The following TMEM260 variants were observed in gnomAD, a reference collection of about 807,000 sequenced individuals.
The protein encoded by TMEM260 is transmembrane protein 260.
TMEM260 carries 82 observed loss-of-function variants against 88.9 expected under a neutral mutation model. That is an observed-to-expected ratio of 0.92 (90% CI 0.77 to 1.11). The LOEUF (loss-of-function observed/expected upper bound fraction) is 1.11, where lower values mean the gene tolerates loss of function less well. Ranked by LOEUF, TMEM260 falls within the 50% of genes least tolerant of loss-of-function variation. The pLI, the probability that TMEM260 is intolerant of heterozygous loss-of-function variation, is 0.00. For missense variants in TMEM260, 902 were observed against 853.4 expected (o/e 1.06, Z -0.71); for synonymous variants, 314 against 309.3 (o/e 1.02, Z -0.16).
chr14:56,584,863 C>T (rs2139497068), intron 1 of TMEM260, 138 bp from the exon 2 acceptor site: 1 of 643,680 alleles, frequency 1.6e-6, no homozygotes, highest in South Asian at 2.1e-5. Flanking sequence ...CTATTTCATG[C>T]TGTTAAATCT....
At position 56,585,889 on chromosome 14, in the gene TMEM260, A is replaced by T; in HGVS notation, c.321A>T (p.Ser107=). ...GCTTATTTGGAGCAGTAGCTGCATC[A>T]TTACTTTTTTTCACCGTTTTCAGGT... is the stretch of plus-strand genomic sequence containing the variant. ...LCGLFGAVAA[S]LLFFTVFRLS... Residue 107 remains serine, a synonymous_variant, in exon 3 of 16, where the codon TCA becomes TCT. Coordinates refer to ENST00000261556, the MANE Select transcript of TMEM260 (RefSeq NM_017799.4). 6.2e-7 allele frequency: 1 copy of T among 1,612,282 alleles called. No homozygotes were observed. The highest frequency in any genetic ancestry group is 8.5e-7 in the Non-Finnish European group (1 of 1,179,342).
chr14:56,643,764 C>A (rs966058399), intron 15 of TMEM260, among the ~76,000 whole-genome samples: 11 of 152,314 alleles, frequency 7.2e-5, no homozygotes, highest in African/African-American at 2.6e-4. Flanking sequence ...GAAAACCCCA[C>A]TGTCTCAGCC....
the TMEM260 span, among the ~76,000 whole-genome samples, chr14:56,660,802 C>T: frequency 3.3e-5 from 5 of 152,214 alleles, no homozygotes; most frequent in Non-Finnish European, 5.9e-5. Context: ...CTCGCTCTCT[C>T]TTCTCTACCT....
At chr14:56,636,736 C>A in intron 15 of TMEM260, 138 bp downstream of exon 15, 2 of 722,534 alleles carry the variant, frequency 2.8e-6, no homozygotes, top group Non-Finnish European at 4.6e-6. Flanking sequence ...TAAAGCAGCA[C>A]ATATGAACAA....
downstream of TMEM260, among the ~76,000 whole-genome samples, chr14:56,651,042 A>C (rs1405653950): frequency 6.6e-6 from 1 of 152,188 alleles, no homozygotes; most frequent in African/African-American, 2.4e-5. Flanking sequence ...TGAATGCAAA[A>C]CCATTCTAAT....
In TMEM260 at chr14:56,638,257, C is replaced by G. The variant is rs28557421; in HGVS notation, c.1869+1659C>G. 4.0e-5 allele frequency: 6 copies of G among 151,806 alleles called. No individual in the cohort carries two copies. The South Asian group carries it at 8.4e-4, about 21-fold the overall frequency. 9.4% of individuals were successfully genotyped at this position (151,806 alleles called of 1,614,324 possible). A position where few individuals can be genotyped will look rare whatever the true frequency, so the allele number is the denominator to read the frequency against. On this transcript the variant is annotated intron_variant, in intron 15 of 15. Coordinates refer to ENST00000261556, the MANE Select transcript of TMEM260 (RefSeq NM_017799.4). ...GCAGTAAGGAGGCCCAGCTTCTAGGCCCACTCTGCCATTAGTTGTCAACTG... is the reference window on the plus strand; with the variant it reads ...GCAGTAAGGAGGCCCAGCTTCTAGGGCCACTCTGCCATTAGTTGTCAACTG...
intron 10 of TMEM260, among the ~76,000 whole-genome samples, chr14:56,620,400 A>G (rs10139575): frequency 0.14 from 21,998 of 152,196 alleles, 2,702 homozygotes; most frequent in African/African-American, 0.32. Context: ...TCCTGGACAC[A>G]ACATCATCGC....
At chr14:56,640,707 G>C (rs1347662976) in intron 15 of TMEM260, among the ~76,000 whole-genome samples, 1 of 152,004 alleles carries the variant, frequency 6.6e-6, no homozygotes, top group African/African-American at 2.4e-5. Context: ...AGCTAAAGAA[G>C]GAAGTTCGAA....
chr14:56,607,550 A>G (rs944112375), intron 5 of TMEM260, among the ~76,000 whole-genome samples: 43 of 152,138 alleles, frequency 2.8e-4, no homozygotes, highest in African/African-American at 1.0e-3. Flanking sequence ...GAAAGTCCTG[A>G]GTCAGTTGGT....
At chr14:56,606,533 C>T (rs1210813022) in intron 5 of TMEM260, among the ~76,000 whole-genome samples, 1 of 152,154 alleles carries the variant, frequency 6.6e-6, no homozygotes, top group African/African-American at 2.4e-5. Context: ...TGCTTCTTAG[C>T]TTCTTAACAG....
intron 14 of TMEM260, among the ~76,000 whole-genome samples, chr14:56,635,628 A>G (rs566261432): frequency 1.3e-5 from 2 of 152,302 alleles, no homozygotes; most frequent in East Asian, 3.9e-4. Context: ...AATAACACTA[A>G]CAAACTCTGG....
intron 3 of TMEM260, among the ~76,000 whole-genome samples, chr14:56,601,642 A>G (rs1886582013): frequency 6.6e-6 from 1 of 152,120 alleles, no homozygotes; most frequent in African/African-American, 2.4e-5. Flanking sequence ...TTCTAATTCC[A>G]TCATTTCTTC....
At chr14:56,595,111 A>G (rs1199611658) in intron 3 of TMEM260, among the ~76,000 whole-genome samples, 2 of 152,236 alleles carry the variant, frequency 1.3e-5, no homozygotes, top group Non-Finnish European at 2.9e-5. Context: ...AACTCATAGG[A>G]AAATTGCTTT....
chr14:56,653,353 A>C (rs1890239745), downstream of TMEM260, among the ~76,000 whole-genome samples: 2 of 152,106 alleles, frequency 1.3e-5, no homozygotes, highest in South Asian at 4.2e-4. Context: ...ATGTAAAGAA[A>C]TTGATAAATG....
intron 13 of TMEM260, among the ~76,000 whole-genome samples, chr14:56,633,744 T>A (rs551315979): frequency 2.5e-4 from 38 of 152,160 alleles, no homozygotes; most frequent in African/African-American, 9.2e-4. Flanking sequence ...AGAAAATGAG[T>A]CACTATCTAG....
intron 1 of TMEM260, among the ~76,000 whole-genome samples, chr14:56,582,420 G>A (rs1361571258): frequency 6.6e-6 from 1 of 152,166 alleles, no homozygotes; most frequent in Non-Finnish European, 1.5e-5. Flanking sequence ...CAAAGATACT[G>A]TCTTTAACAG....
intron 2 of TMEM260, 163 bp from the exon 3 acceptor site, chr14:56,585,598 A>T: frequency 1.6e-6 from 1 of 633,058 alleles, no homozygotes; most frequent in Non-Finnish European, 2.7e-6. Context: ...ATTTATTTGT[A>T]TTGCCTCAAG....
At chr14:56,597,385 G>A (rs931464273) in intron 3 of TMEM260, among the ~76,000 whole-genome samples, 1 of 152,168 alleles carries the variant, frequency 6.6e-6, no homozygotes. Flanking sequence ...AGGCATTTCA[G>A]ATAAGGGATC....
intron 1 of TMEM260, among the ~76,000 whole-genome samples, chr14:56,583,990 T>TTG (rs10594077): frequency 0.04 from 5,871 of 145,880 alleles, 146 homozygotes; most frequent in African/African-American, 0.066. Flanking sequence ...ATCCAGCCTT[T>TTG]TGTGTGTGTG....
Sources: gnomAD v4.1 joint callset for allele counts (sites outside exome capture counted in the v4.1 genomes callset) on GRCh38, gnomAD v4.1.1 for gene constraint, MANE v1.5 for transcripts, NCBI Gene and HGNC (gene_info 2026-07-23, HGNC 2026-07-21) for gene names.